TMEM143: variants seen among roughly 807,000 people sequenced by gnomAD.
TMEM143 encodes transmembrane protein 143.
In TMEM143, 45 loss-of-function variants were observed where a neutral mutation model predicts 40.3. That is an observed-to-expected ratio of 1.12 (90% CI 0.88 to 1.43). The LOEUF (loss-of-function observed/expected upper bound fraction) is 1.43, where lower values mean the gene tolerates loss of function less well. Among genes scored for constraint, TMEM143 ranks in the 40% most tolerant of loss-of-function variants. The probability of loss-of-function intolerance (pLI) is 0.00; values close to 1 mark genes in which losing one functional copy is unlikely to be tolerated. For missense variants in TMEM143, 620 were observed against 613.4 expected (o/e 1.01, Z -0.11); for synonymous variants, 299 against 282.7 (o/e 1.06, Z -0.58).
chr19:48,333,475 C>G lies in TMEM143; in HGVS notation c.1166-42G>C. 3 of 1,401,056 alleles carry G rather than the reference C, an allele frequency of 2.1e-6. No individual in the cohort carries two copies. In the South Asian group the frequency reaches 3.9e-5, roughly 18 times the overall value. 86.8% of individuals were successfully genotyped at this position (1,401,056 alleles called of 1,614,324 possible). ...AGGTGTTCTGAGGTCACACTGAGAT[C>G]GGGGAAGATTCGAGGGAGCAGCAAG... On this transcript the variant is annotated intron_variant, in intron 7 of 7. Coordinates refer to ENST00000293261, the MANE Select transcript of TMEM143 (RefSeq NM_018273.4). The surrounding 1 kb of genome is among the most constrained non-coding windows in gnomAD (Gnocchi z 4.1).
Position 48,333,714 on chromosome 19 carries a change from G to A in TMEM143, c.1166-281C>T, listed in dbSNP as rs1969272889. Among the ~76,000 whole-genome samples, 1 of 152,184 alleles carries A rather than the reference G, an allele frequency of 6.6e-6. No individual in the cohort carries two copies. The highest frequency in any genetic ancestry group is 1.5e-5 in the Non-Finnish European group (1 of 68,020). On this transcript the variant is annotated intron_variant, in intron 7 of 7. Transcript: ENST00000293261. This position sits in a 1 kb window ranked among gnomAD's most constrained non-coding sequence, Gnocchi z 4.1. ...GGGGACCACCTGGAGCCCACACAGG[G>A]AGCGCGCAGGATCTCTTGTAGGGAG...
chr19:48,361,507 C>A (rs1371283885), intron 2 of TMEM143, among the ~76,000 whole-genome samples: 1 of 151,086 alleles, frequency 6.6e-6, no homozygotes, highest in Non-Finnish European at 1.5e-5. Flanking sequence ...CGTGAGCCAC[C>A]ATGCCTGGCC....
intron 2 of TMEM143, chr19:48,360,583 A>G (rs1411691339): frequency 5.9e-6 from 1 of 169,320 alleles, no homozygotes; most frequent in Non-Finnish European, 1.3e-5. Context: ...CTCAAAAAAA[A>G]AAAAAAAAAA....
In TMEM143 at chr19:48,340,310, A is replaced by G. The variant is rs563625994; in HGVS notation, c.975+2220T>C. On this transcript the variant is annotated intron_variant, in intron 6 of 7. Coordinates refer to ENST00000293261, the MANE Select transcript of TMEM143 (RefSeq NM_018273.4). ...CCCAGCTAATTTTTGTGTTTTTAGTAGAGATGGGGTTTCACCATCTTGGCC... is the reference window on the plus strand; with the variant it reads ...CCCAGCTAATTTTTGTGTTTTTAGTGGAGATGGGGTTTCACCATCTTGGCC... Among the ~76,000 whole-genome samples the G allele has an allele frequency of 3.2e-4, 48 of 150,104 alleles. No individual in the cohort carries two copies. The East Asian group carries it at 8.8e-3, about 28-fold the overall frequency.
chr19:48,363,158 A>G, intron 2 of TMEM143, 133 bp downstream of exon 2: 1 of 1,293,834 alleles, frequency 7.7e-7, no homozygotes, highest in Non-Finnish European at 1.0e-6. Flanking sequence ...CCACTAGGGA[A>G]ACACGAAGGG....
At chr19:48,354,018 G>C (rs1394845408) in intron 3 of TMEM143, among the ~76,000 whole-genome samples, 1 of 151,864 alleles carries the variant, frequency 6.6e-6, no homozygotes, top group Non-Finnish European at 1.5e-5. Flanking sequence ...GAGTGCAGTG[G>C]TGCGATCTTG....
At chr19:48,334,632 A>G (rs1600892585) in intron 6 of TMEM143, among the ~76,000 whole-genome samples, 1 of 122,312 alleles carries the variant, frequency 8.2e-6, no homozygotes, top group Non-Finnish European at 1.6e-5. Context: ...CCCAGTCTGG[A>G]GTTCAGTGGC....
Position 48,363,924 on chromosome 19 carries a change from G to A in TMEM143, c.-4C>T. On this transcript the variant is annotated 5_prime_UTR_variant, in exon 1 of 8. Transcript: ENST00000293261. ...TTAGCCAAAGCTCGACTGTCATTGA[G>A]CCTCCTGCGCATGTGCAGGAGGGCG... 1 of 1,613,478 alleles carries A rather than the reference G, an allele frequency of 6.2e-7. No homozygotes were observed. The highest frequency in any genetic ancestry group is 8.5e-7 in the Non-Finnish European group (1 of 1,179,684).
At chr19:48,354,051 C>G (rs1414702718) in intron 3 of TMEM143, among the ~76,000 whole-genome samples, 1 of 147,108 alleles carries the variant, frequency 6.8e-6, no homozygotes, top group African/African-American at 2.5e-5. Flanking sequence ...CTCCGCCTCC[C>G]GGGTTCAAGT....
intron 6 of TMEM143, among the ~76,000 whole-genome samples, chr19:48,334,584 CCTTTT>C (rs1379377801): frequency 9.2e-6 from 1 of 108,578 alleles, no homozygotes; most frequent in Non-Finnish European, 2.0e-5. Flanking sequence ...TCTTTTCTTT[CCTTTT>C]TTTTTTTTTT....
intron 4 of TMEM143, among the ~76,000 whole-genome samples, chr19:48,344,863 T>C (rs932782089): frequency 8.5e-5 from 13 of 152,184 alleles, no homozygotes; most frequent in Admixed American, 3.3e-4. Flanking sequence ...CCTGCCACCA[T>C]GCCTGGATAA....
chr19:48,344,224 G>A (rs1041427346), intron 4 of TMEM143, among the ~76,000 whole-genome samples: 1 of 151,464 alleles, frequency 6.6e-6, no homozygotes, highest in African/African-American at 2.4e-5. Flanking sequence ...AGCATTTTGC[G>A]TGCTTTTAGG....
chr19:48,351,607 C>T (rs1336966312), intron 3 of TMEM143, among the ~76,000 whole-genome samples: 2 of 152,200 alleles, frequency 1.3e-5, no homozygotes, highest in East Asian at 3.9e-4. Flanking sequence ...CTCACCTCCT[C>T]TCTCTTCCCT....
Position 48,334,505 on chromosome 19 carries a change from TTTC to T in TMEM143, c.976-311_976-309del, listed in dbSNP as rs745314994. Among the ~76,000 whole-genome samples, 22 of 141,944 alleles carry T rather than the reference TTTC, an allele frequency of 1.5e-4. 1 individual carries two copies. Among genetic ancestry groups the T allele is most frequent in the Middle Eastern group, 6.9e-3 (2 of 290 alleles). The allele number at this position is 141,944 out of a possible 152,430, so 93.1% of individuals were successfully genotyped here. The stretch of plus-strand genomic sequence containing the variant: ...TTTTCTTTCTTTCTTTCGTTCTTTC[TTTC>T]TTTTCTTTCTTTCTCTTTCTTTCTT... On this transcript the variant is annotated intron_variant, in intron 6 of 7. Coordinates refer to ENST00000293261, the MANE Select transcript of TMEM143 (RefSeq NM_018273.4).
intron 3 of TMEM143, among the ~76,000 whole-genome samples, chr19:48,345,637 A>T (rs953002773): frequency 1.1e-4 from 15 of 138,962 alleles, no homozygotes; most frequent in East Asian, 6.6e-4. Flanking sequence ...ATATATATAT[A>T]TTTTTTGTAT....
intron 3 of TMEM143, among the ~76,000 whole-genome samples, chr19:48,358,327 T>G (rs1238888505): frequency 6.6e-6 from 1 of 150,518 alleles, no homozygotes; most frequent in African/African-American, 2.5e-5. Context: ...GAGGTTGCAG[T>G]GAGCCAAGAT....
At chr19:48,353,368 G>C (rs1277141552) in intron 3 of TMEM143, among the ~76,000 whole-genome samples, 1 of 151,282 alleles carries the variant, frequency 6.6e-6, no homozygotes, top group Non-Finnish European at 1.5e-5. Context: ...TATTTTAGTA[G>C]AGACGGGTTT....
intron 3 of TMEM143, among the ~76,000 whole-genome samples, chr19:48,349,920 T>C (rs1347464967): frequency 2.6e-5 from 4 of 151,906 alleles, no homozygotes; most frequent in Non-Finnish European, 4.4e-5. Context: ...ACCTGAAACA[T>C]GATCAGTATG....
At chr19:48,346,133 C>G (rs935341804) in intron 3 of TMEM143, among the ~76,000 whole-genome samples, 1 of 151,046 alleles carries the variant, frequency 6.6e-6, no homozygotes, top group Non-Finnish European at 1.5e-5. Flanking sequence ...GCTCTGTCAC[C>G]CAGGCTGGAG....
Sources: gnomAD v4.1 joint callset for allele counts (sites outside exome capture counted in the v4.1 genomes callset) on GRCh38, gnomAD v4.1.1 for gene constraint, Gnocchi (gnomAD v3.1) non-coding constraint, MANE v1.5 for transcripts, NCBI Gene and HGNC (gene_info 2026-07-23, HGNC 2026-07-21) for gene names.